The following ALK variants were observed in gnomAD, a reference collection of about 807,000 sequenced individuals.
The protein encoded by ALK is ALK receptor tyrosine kinase.
In ALK, 74 loss-of-function variants were observed where a neutral mutation model predicts 163.1. The ratio of observed to expected loss-of-function variants is 0.45; its 90% CI spans 0.38 to 0.55. The LOEUF (loss-of-function observed/expected upper bound fraction) is 0.55. Among genes scored for constraint, ALK ranks in the 20% least tolerant of loss-of-function variants. ALK has a pLI of 0.00. For missense variants in ALK, 2,063 were observed against 2,105.3 expected, an observed-to-expected ratio of 0.98 and a Z score of 0.39; for synonymous variants, 960 against 843.2, an observed-to-expected ratio of 1.14 and a Z score of -2.40.
rs1179489895 is a variant in ALK, at chr2:29,215,372, CAG to C, written c.3646-1293_3646-1292del. Among the ~76,000 whole-genome samples the C allele has an allele frequency of 5.3e-5, 8 of 152,298 alleles. 1 individual carries two copies. The highest frequency in any genetic ancestry group is 4.1e-4 in the South Asian group (2 of 4,828). Reference sequence around the variant, plus strand: ...ATGGCCTGGGTCTGGAGGAGGTAGACAGAGTCTTGCTTCTCTAGGCCGTGCTT... The same window carrying C: ...ATGGCCTGGGTCTGGAGGAGGTAGACAGTCTTGCTTCTCTAGGCCGTGCTT... On this transcript the variant is annotated intron_variant, in intron 23 of 28. Coordinates refer to ENST00000389048, the MANE Select transcript of ALK (RefSeq NM_004304.5).
chr2:29,337,840 C>G (rs958828552), intron 5 of ALK, among the ~76,000 whole-genome samples: 3 of 152,144 alleles, frequency 2.0e-5, no homozygotes, highest in South Asian at 2.1e-4. Context: ...CCACTTTGTT[C>G]AGTTTGTGTT....
intron 3 of ALK, among the ~76,000 whole-genome samples, chr2:29,628,354 C>G (rs1478983924): frequency 6.6e-6 from 1 of 152,142 alleles, no homozygotes; most frequent in Non-Finnish European, 1.5e-5. Flanking sequence ...CACATGTGCT[C>G]TCTATTAAAA....
chr2:29,636,189 G>A (rs1356141356), intron 3 of ALK, among the ~76,000 whole-genome samples: 1 of 152,096 alleles, frequency 6.6e-6, no homozygotes, highest in Admixed American at 6.6e-5. Context: ...TCAATGGAAT[G>A]AAATGAGAAC....
chr2:29,742,914 A>G (rs1462275172), intron 1 of ALK, among the ~76,000 whole-genome samples: 1 of 152,226 alleles, frequency 6.6e-6, no homozygotes, highest in East Asian at 1.9e-4. Context: ...GCCACCTTTC[A>G]GTGAAGGACT....
chr2:29,726,787 C>T (rs1679588682), intron 1 of ALK, among the ~76,000 whole-genome samples: 1 of 152,208 alleles, frequency 6.6e-6, no homozygotes, highest in Non-Finnish European at 1.5e-5. Context: ...GAGGCATCTG[C>T]TTTTGTGATC....
intron 1 of ALK, among the ~76,000 whole-genome samples, chr2:29,752,575 C>A (rs1573607239): frequency 6.6e-6 from 1 of 151,870 alleles, no homozygotes; most frequent in Admixed American, 6.6e-5. Flanking sequence ...GTCTCGATCT[C>A]CTGACCTCGT....
At chr2:29,703,497 A>G (rs937216714) in intron 2 of ALK, among the ~76,000 whole-genome samples, 2 of 152,214 alleles carry the variant, frequency 1.3e-5, no homozygotes, top group Admixed American at 6.5e-5. Flanking sequence ...AGGTCATCTC[A>G]GTGAGAAGCC....
intron 4 of ALK, among the ~76,000 whole-genome samples, chr2:29,468,091 C>T (rs370823040): frequency 3.2e-4 from 48 of 151,630 alleles, no homozygotes; most frequent in African/African-American, 9.9e-4. Flanking sequence ...AGTAGTGGCA[C>T]GATCTCAGCT....
intron 4 of ALK, among the ~76,000 whole-genome samples, chr2:29,465,953 G>T (rs1671200882): frequency 6.6e-6 from 1 of 152,032 alleles, no homozygotes; most frequent in South Asian, 2.1e-4. Context: ...AAAGGCTGGG[G>T]GTAGAGATTG....
chr2:29,376,041 C>T (rs1041100146), intron 5 of ALK, among the ~76,000 whole-genome samples: 13 of 152,134 alleles, frequency 8.5e-5, no homozygotes, highest in African/African-American at 1.4e-4. Context: ...ATGCTAGCCC[C>T]GAGATAGTCT....
intron 1 of ALK, among the ~76,000 whole-genome samples, chr2:29,879,716 C>T (rs4510175): frequency 0.063 from 9,617 of 152,192 alleles, 433 homozygotes; most frequent in East Asian, 0.14. Flanking sequence ...ACAAAGAGGA[C>T]GTGCCCACTT....
chr2:29,382,362 T>C (rs1371146323), intron 5 of ALK, among the ~76,000 whole-genome samples: 1 of 152,024 alleles, frequency 6.6e-6, no homozygotes, highest in Non-Finnish European at 1.5e-5. Context: ...TGTTTTTAGG[T>C]GAGAGGGAGT....
intron 1 of ALK, among the ~76,000 whole-genome samples, chr2:29,757,409 T>C (rs1680566046): frequency 6.6e-6 from 1 of 152,142 alleles, no homozygotes; most frequent in Non-Finnish European, 1.5e-5. Context: ...GGAGCTGAGA[T>C]ACGAACCCAG....
intron 6 of ALK, among the ~76,000 whole-genome samples, chr2:29,327,934 A>G (rs567952557): frequency 1.1e-4 from 16 of 152,188 alleles, no homozygotes; most frequent in African/African-American, 3.9e-4. Flanking sequence ...GGCATGAAGG[A>G]TCTGTAAGGT....
At chr2:29,196,985 G>C (rs986624900) in intron 27 of ALK, 125 bp from the exon 28 acceptor site, 9 of 750,074 alleles carry the variant, frequency 1.2e-5, no homozygotes, top group Non-Finnish European at 1.9e-5. Context: ...CCGTGTACTT[G>C]GCCTATGCTG....
At chr2:29,820,157 G>T (rs1665010160) in intron 1 of ALK, among the ~76,000 whole-genome samples, 1 of 152,192 alleles carries the variant, frequency 6.6e-6, no homozygotes, top group African/African-American at 2.4e-5. Context: ...TGACTTACAG[G>T]ATTAGGTTAC....
At chr2:29,216,416 G>A (rs529084574) in intron 23 of ALK, among the ~76,000 whole-genome samples, 2 of 152,108 alleles carry the variant, frequency 1.3e-5, no homozygotes, top group East Asian at 3.9e-4. Flanking sequence ...CTCAGGATGC[G>A]AGGGCCATAG....
At chr2:29,443,016 G>A (rs1408229597) in intron 4 of ALK, among the ~76,000 whole-genome samples, 1 of 152,230 alleles carries the variant, frequency 6.6e-6, no homozygotes, top group Non-Finnish European at 1.5e-5. Context: ...CGTCCTGTGT[G>A]TCCTGCTCAA....
chr2:29,307,136 G>A (rs890880394), intron 8 of ALK, among the ~76,000 whole-genome samples: 3 of 152,192 alleles, frequency 2.0e-5, no homozygotes, highest in Non-Finnish European at 4.4e-5. Flanking sequence ...CCCCATGTTT[G>A]CTATGCATAC....
Sources: gnomAD v4.1 joint callset for allele counts (sites outside exome capture counted in the v4.1 genomes callset) on GRCh38, gnomAD v4.1.1 for gene constraint, MANE v1.5 for transcripts, NCBI Gene and HGNC (gene_info 2026-07-23, HGNC 2026-07-21) for gene names.